The following ZCCHC7 variants were observed in gnomAD, a reference collection of about 807,000 sequenced individuals.
The protein encoded by ZCCHC7 is zinc finger CCHC domain-containing protein 7.
ZCCHC7 carries 35 observed loss-of-function variants against 52.0 expected under a neutral mutation model. The observed-to-expected ratio is 0.67, with a 90% CI of 0.51 to 0.89. The LOEUF is 0.89. ZCCHC7 is among the 40% of genes least tolerant of loss of function. The pLI, the probability that ZCCHC7 is intolerant of heterozygous loss-of-function variation, is 0.00. For synonymous variants in ZCCHC7, 217 were observed against 221.5 expected (o/e 0.98, Z 0.18); for missense variants, 574 against 649.1 (o/e 0.88, Z 1.26).
intron 2 of ZCCHC7, among the ~76,000 whole-genome samples, chr9:37,187,745 CT>C (rs1822742905): frequency 6.6e-6 from 1 of 151,920 alleles, no homozygotes; most frequent in Non-Finnish European, 1.5e-5. Context: ...TTTATGAAGT[CT>C]TTTTGCCCTG....
intron 2 of ZCCHC7, among the ~76,000 whole-genome samples, chr9:37,197,331 C>T (rs1246324845): frequency 6.6e-6 from 1 of 152,068 alleles, no homozygotes; most frequent in African/African-American, 2.4e-5. Context: ...TGAGCTTTTG[C>T]TAAGGAGGGA....
chr9:37,130,007 G>T (rs1344977704), intron 2 of ZCCHC7, among the ~76,000 whole-genome samples: 1 of 152,194 alleles, frequency 6.6e-6, no homozygotes, highest in African/African-American at 2.4e-5. Context: ...GAGAGGCCGA[G>T]GCGGGTGGAT....
At chr9:37,237,330 C>T (rs1347476182) in intron 2 of ZCCHC7, among the ~76,000 whole-genome samples, 2 of 152,160 alleles carry the variant, frequency 1.3e-5, no homozygotes, top group South Asian at 2.1e-4. Flanking sequence ...AATTCACAAG[C>T]GCTAATTGAA....
intron 2 of ZCCHC7, among the ~76,000 whole-genome samples, chr9:37,231,498 G>C (rs1303666747): frequency 6.6e-6 from 1 of 152,120 alleles, no homozygotes; most frequent in Non-Finnish European, 1.5e-5. Flanking sequence ...TAATAGGTAA[G>C]CTGTTGTTTT....
At chr9:37,258,418 T>G (rs929124228) in intron 2 of ZCCHC7, among the ~76,000 whole-genome samples, 6 of 152,150 alleles carry the variant, frequency 3.9e-5, no homozygotes, top group Admixed American at 3.9e-4. Context: ...CTGATAAGAT[T>G]TAGTGACTGG....
In ZCCHC7 at chr9:37,126,682, A is replaced by T; in HGVS notation, c.350A>T (p.His117Leu). 1 of 1,614,174 alleles carries T rather than the reference A, an allele frequency of 6.2e-7. No individual in the cohort carries two copies. The highest frequency in any genetic ancestry group is 2.2e-5 in the East Asian group (1 of 44,876). Residue 117 changes from histidine (H) to leucine (L), a missense_variant, in exon 2 of 9, where the codon CAT (histidine) becomes CTT (leucine). Physicochemically the swap from His to Leu is moderately conservative, Grantham distance 99. Around this residue, in one of 3 missense-constraint regions of ZCCHC7, gnomAD observed 403 missense variants for 461.2 expected, o/e 0.87. Transcript: ENST00000336755. Reference sequence around the variant, plus strand: ...AGAGTTCAAGCACAAGAAAATGCCCATGGTCTTTCTTCTTCTCTTCAATCT... The same window carrying T: ...AGAGTTCAAGCACAAGAAAATGCCCTTGGTCTTTCTTCTTCTCTTCAATCT... ...NVRVQAQENAHGLSSSLQSNE... is the reference protein window; with the variant it reads ...NVRVQAQENALGLSSSLQSNE...
chr9:37,325,264 A>T (rs1830196871), intron 5 of ZCCHC7, among the ~76,000 whole-genome samples: 2 of 152,236 alleles, frequency 1.3e-5, no homozygotes. Context: ...TGATTTGAGG[A>T]GGCCCTTTGG....
At chr9:37,296,818 T>C (rs1828803667) in intron 2 of ZCCHC7, among the ~76,000 whole-genome samples, 1 of 151,122 alleles carries the variant, frequency 6.6e-6, no homozygotes, top group African/African-American at 2.4e-5. Context: ...GCTCAAGCCC[T>C]CCTCCCACCT....
intron 2 of ZCCHC7, among the ~76,000 whole-genome samples, chr9:37,242,724 G>A (rs1033261890): frequency 4.0e-5 from 6 of 151,742 alleles, no homozygotes; most frequent in Admixed American, 6.6e-5. Context: ...TCTAGAGCTT[G>A]CTGCCTCAAG....
intron 2 of ZCCHC7, among the ~76,000 whole-genome samples, chr9:37,138,053 T>C (rs1333336970): frequency 6.6e-6 from 1 of 152,208 alleles, no homozygotes; most frequent in African/African-American, 2.4e-5. Flanking sequence ...GTTTTCAGCT[T>C]TTGTAAGCCT....
rs1823660005 is a variant in ZCCHC7 at position 37,202,040 on chromosome 9, C to T, written c.610+75098C>T. On this transcript the variant is annotated intron_variant, in intron 2 of 8. Transcript: ENST00000336755. ...TTCTTGAATCCCATTTTTTAGAGTA[C>T]ATTTAGCATACTGACTTATTTGATC... is the stretch of plus-strand genomic sequence containing the variant. 3.9e-5 allele frequency among the ~76,000 whole-genome samples: 6 copies of T among 152,138 alleles called. No individual in the cohort carries two copies. In the South Asian group the frequency reaches 1.2e-3, roughly 31 times the overall value.
intron 2 of ZCCHC7, among the ~76,000 whole-genome samples, chr9:37,190,828 G>A (rs980303825): frequency 6.6e-6 from 1 of 152,062 alleles, no homozygotes; most frequent in South Asian, 2.1e-4. Context: ...AGACCAGCCT[G>A]ACCAACATGG....
At chr9:37,328,401 T>C (rs1830332877) in intron 6 of ZCCHC7, among the ~76,000 whole-genome samples, 1 of 152,008 alleles carries the variant, frequency 6.6e-6, no homozygotes, top group South Asian at 2.1e-4. Context: ...GATTTTAGGC[T>C]AAGTAGAAGC....
intron 2 of ZCCHC7, among the ~76,000 whole-genome samples, chr9:37,301,313 G>T (rs1029449750): frequency 1.3e-5 from 2 of 152,170 alleles, no homozygotes; most frequent in African/African-American, 4.8e-5. Context: ...GAAGTAAGGG[G>T]TTATGCCTCT....
chr9:37,181,057 G>T (rs546229517), intron 2 of ZCCHC7, among the ~76,000 whole-genome samples: 22 of 152,184 alleles, frequency 1.4e-4, no homozygotes, highest in East Asian at 1.2e-3. Flanking sequence ...TATTTGGTAT[G>T]TTCTATGCTT....
At chr9:37,199,482 C>T (rs947921786) in intron 2 of ZCCHC7, among the ~76,000 whole-genome samples, 1 of 151,518 alleles carries the variant, frequency 6.6e-6, no homozygotes, top group African/African-American at 2.4e-5. Flanking sequence ...TAGGCATACA[C>T]CACCACGCCC....
chr9:37,267,900 G>A (rs564896321), intron 2 of ZCCHC7, among the ~76,000 whole-genome samples: 24 of 151,986 alleles, frequency 1.6e-4, no homozygotes, highest in African/African-American at 5.8e-4. Flanking sequence ...AGACAGGGTC[G>A]CACCATGTTG....
At chr9:37,153,162 T>C (rs1820624588) in intron 2 of ZCCHC7, among the ~76,000 whole-genome samples, 1 of 137,328 alleles carries the variant, frequency 7.3e-6, no homozygotes, top group Non-Finnish European at 1.5e-5. Flanking sequence ...CTATTATTAT[T>C]GATTGATTGA....
intron 2 of ZCCHC7, among the ~76,000 whole-genome samples, chr9:37,228,835 CT>C (rs573237575): frequency 0.048 from 6,226 of 130,402 alleles, 275 homozygotes; most frequent in African/African-American, 0.16. Flanking sequence ...AAAGAGGGAA[CT>C]TTTTTTTTTT....
Sources: allele counts gnomAD v4.1 joint callset (sites outside exome capture counted in the v4.1 genomes callset), GRCh38; gene constraint gnomAD v4.1.1; regional missense constraint gnomAD v4.1.1; transcripts MANE v1.5; gene names NCBI Gene and HGNC (gene_info 2026-07-23, HGNC 2026-07-21).